The following AKAP9 variants were observed in gnomAD, a reference collection of about 807,000 sequenced individuals.
AKAP9 encodes A-kinase anchor protein 9.
Under a neutral mutation model 488.5 loss-of-function variants are expected in AKAP9, and 311 were observed. That is an observed-to-expected ratio of 0.64 (90% CI 0.58 to 0.70). The LOEUF is 0.70. AKAP9 is among the 30% of genes least tolerant of loss of function. The pLI is 0.00. For missense variants in AKAP9, 4,215 were observed against 4,374.5 expected (o/e 0.96, Z 1.03); for synonymous variants, 1,462 against 1,483.5 (o/e 0.99, Z 0.33).
intron 28 of AKAP9, among the ~76,000 whole-genome samples, chr7:92,075,055 C>A (rs528442893): frequency 6.6e-6 from 1 of 151,474 alleles, no homozygotes; most frequent in South Asian, 2.1e-4. Flanking sequence ...CATTTCCTAT[C>A]TGATTACTGT....
At chr7:91,996,948 T>G (rs1194540212) in intron 7 of AKAP9, among the ~76,000 whole-genome samples, 1 of 152,110 alleles carries the variant, frequency 6.6e-6, no homozygotes, top group African/African-American at 2.4e-5. Flanking sequence ...CAATTATCAC[T>G]CCTATTTTCT....
In AKAP9 at chr7:92,001,141, T is replaced by C. The variant is rs936298117; in HGVS notation, c.1224T>C (p.Asn408=). Residue 408 remains asparagine, a synonymous_variant, in exon 8 of 50, where the codon AAT becomes AAC. Transcript: ENST00000356239. Reference sequence around the variant, plus strand: ...CAGTCGAAGAACTTCAGAAGAGAAATCATAAAGACAGCCAGTTCGAAACTG... The same window carrying C: ...CAGTCGAAGAACTTCAGAAGAGAAACCATAAAGACAGCCAGTTCGAAACTG... ...MGTVEELQKR[N]HKDSQFETDI... 1 of 1,613,762 alleles carries C rather than the reference T, an allele frequency of 6.2e-7. No individual in the cohort carries two copies. The highest frequency in any genetic ancestry group is 8.5e-7 in the Non-Finnish European group (1 of 1,179,892).
At chr7:92,015,601 T>A (rs1801399592) in intron 10 of AKAP9, among the ~76,000 whole-genome samples, 1 of 152,078 alleles carries the variant, frequency 6.6e-6, no homozygotes, top group South Asian at 2.1e-4. Flanking sequence ...TGACCTCAGG[T>A]GATCCACCTT....
intron 3 of AKAP9, among the ~76,000 whole-genome samples, chr7:91,980,653 A>G (rs1167047986): frequency 6.6e-6 from 1 of 151,854 alleles, no homozygotes; most frequent in East Asian, 1.9e-4. Context: ...TAAAAATATC[A>G]AAAATTTTTT....
intron 20 of AKAP9, chr7:92,043,378 G>A (rs1584288386): frequency 1.0e-6 from 1 of 964,696 alleles, no homozygotes. Flanking sequence ...GAAAGACAGT[G>A]TATGAAAATT....
At chr7:91,983,208 C>T (rs115015362) in intron 3 of AKAP9, among the ~76,000 whole-genome samples, 20 of 152,208 alleles carry the variant, frequency 1.3e-4, no homozygotes, top group African/African-American at 4.3e-4. Flanking sequence ...TCCTGCCCGC[C>T]ACCCCACGAC....
intron 23 of AKAP9, 107 bp downstream of exon 23, chr7:92,061,529 C>A: frequency 8.2e-7 from 1 of 1,216,902 alleles, no homozygotes; most frequent in Non-Finnish European, 1.1e-6. Flanking sequence ...TTTAGAATGA[C>A]CATTAAAAAG....
chr7:92,076,498 A>G (rs1812609885), intron 28 of AKAP9, among the ~76,000 whole-genome samples: 1 of 152,108 alleles, frequency 6.6e-6, no homozygotes, highest in Non-Finnish European at 1.5e-5. Context: ...AGGCCTTTTG[A>G]TAGCAACTTA....
intron 18 of AKAP9, 95 bp downstream of exon 18, chr7:92,040,993 A>G (rs574035644): frequency 9.5e-7 from 1 of 1,051,650 alleles, no homozygotes; most frequent in Non-Finnish European, 1.4e-6. Flanking sequence ...AGTATTTTTT[A>G]TGTAGCCATA....
At chr7:91,971,987 T>TTTC (rs1393453242) in intron 1 of AKAP9, among the ~76,000 whole-genome samples, 1 of 143,632 alleles carries the variant, frequency 7.0e-6, no homozygotes, top group Non-Finnish European at 1.5e-5. Context: ...CCTCTCTTTT[T>TTTC]TTTTTTTTTT....
intron 22 of AKAP9, among the ~76,000 whole-genome samples, chr7:92,054,774 A>G (rs1808504974): frequency 6.6e-6 from 1 of 152,000 alleles, no homozygotes; most frequent in African/African-American, 2.4e-5. Context: ...GCTACCATAC[A>G]ATCAGGCCTA....
Position 92,001,452 on chromosome 7 carries a change from TCA to T in AKAP9, c.1536_1537del (p.Lys513GlyfsTer18). The T allele has an allele frequency of 6.2e-7, 1 of 1,613,808 alleles. No homozygotes were observed. ...GATACTAACTCTCAAAAGGAAAAAC[TCA>T]AGGAAGAACTAGGACTAATTTTAGA... is the stretch of plus-strand genomic sequence containing the variant. On this transcript the variant is annotated frameshift_variant, in exon 8 of 50. Coordinates refer to ENST00000356239, the MANE Select transcript of AKAP9 (RefSeq NM_005751.5). LOFTEE classifies it high-confidence loss of function.
In AKAP9 at chr7:92,079,453, G is replaced by A. The variant is rs376050124; in HGVS notation, c.7320G>A (p.Val2440=). 5.0e-6 allele frequency: 8 copies of A among 1,613,916 alleles called. No individual in the cohort carries two copies. The highest frequency in any genetic ancestry group is 6.8e-6 in the Non-Finnish European group (8 of 1,180,004). Residue 2440 remains valine (V), a synonymous_variant, in exon 31 of 50, where the codon GTG becomes GTA. Coordinates refer to ENST00000356239, the MANE Select transcript of AKAP9 (RefSeq NM_005751.5). ...GCTTAAAGAGAGAACGTGAAAGTGT[G>A]GAAAAGATTCAAAGCATACCAGAGA... ...LFSLKRERES[V]EKIQSIPENS...
chr7:92,100,799 AT>A (rs1226117935), intron 44 of AKAP9, 56 bp from the exon 45 acceptor site: 2 of 1,591,518 alleles, frequency 1.3e-6, no homozygotes, highest in Admixed American at 1.7e-5. Flanking sequence ...TCTTTTTAAT[AT>A]GTTTAGCTCA....
chr7:92,001,092 A>C lies in AKAP9; in HGVS notation c.1175A>C (p.Glu392Ala). 3.7e-6 allele frequency: 6 copies of C among 1,613,878 alleles called. No individual in the cohort carries two copies. The highest frequency in any genetic ancestry group is 5.1e-6 in the Non-Finnish European group (6 of 1,179,912). The change falls in exon 8 of 50, where the codon GAA becomes GCA. Residue 392 changes from glutamate (E) to alanine (A), a missense_variant. Coordinates refer to ENST00000356239, the MANE Select transcript of AKAP9 (RefSeq NM_005751.5). ...NSKQKERQSS[E>A]EIKQLMGTVE... ...AAGCAAAAAGAAAGACAGTCTTCTGAAGAAATAAAACAGTTAATGGGGACA... is the reference window on the plus strand; with the variant it reads ...AAGCAAAAAGAAAGACAGTCTTCTGCAGAAATAAAACAGTTAATGGGGACA...
At chr7:92,046,337 T>C (rs1806996807) in intron 21 of AKAP9, among the ~76,000 whole-genome samples, 1 of 152,204 alleles carries the variant, frequency 6.6e-6, no homozygotes, top group African/African-American at 2.4e-5. Context: ...ACTTCTCCCA[T>C]AGAGGCAGAC....
intron 14 of AKAP9, among the ~76,000 whole-genome samples, chr7:92,024,807 T>G (rs1057289503): frequency 5.9e-5 from 9 of 152,190 alleles, no homozygotes; most frequent in Admixed American, 4.6e-4. Flanking sequence ...TTTTTTTGTA[T>G]AGTGGACGAA....
At position 92,014,268 on chromosome 7, in the gene AKAP9, A is replaced by T. The variant is rs1388009164; in HGVS notation, c.3552A>T (p.Leu1184Phe). Residue 1184 changes from leucine to phenylalanine, a missense_variant, in exon 10 of 50, where the codon TTA (leucine) becomes TTT (phenylalanine). Transcript: ENST00000356239. ...TATTAGGTGATGAAGGAAAGCCTTT[A>T]CATCTGCTCATTGGAAAACTTCAAA... ...TQETGDEGKP[L>F]HLLIGKLQKA... 1 of 1,612,416 alleles carries T rather than the reference A, an allele frequency of 6.2e-7. No individual in the cohort carries two copies. The highest frequency in any genetic ancestry group is 1.3e-5 in the African/African-American group (1 of 74,896).
intron 38 of AKAP9, 91 bp downstream of exon 38, chr7:92,089,620 T>C (rs184948245): frequency 5.2e-6 from 7 of 1,357,878 alleles, no homozygotes; most frequent in Non-Finnish European, 7.2e-6. Flanking sequence ...TTAAAACATA[T>C]TTTCTTGGTC....
Sources: allele counts gnomAD v4.1 joint callset (sites outside exome capture counted in the v4.1 genomes callset), GRCh38; gene constraint gnomAD v4.1.1; transcripts MANE v1.5; gene names NCBI Gene and HGNC (gene_info 2026-07-23, HGNC 2026-07-21).